Variants in WDR17 observed in about 807,000 individuals in gnomAD.
The protein encoded by WDR17 is WD repeat domain 17.
In WDR17, 143 loss-of-function variants were observed where a neutral mutation model predicts 161.7. The ratio of observed to expected loss-of-function variants is 0.88; its 90% CI spans 0.77 to 1.02. WDR17 has a LOEUF of 1.02. WDR17 is among the 50% of genes least tolerant of loss of function. The pLI, the probability that WDR17 is intolerant of heterozygous loss-of-function variation, is 0.00. For missense variants in WDR17, 1,469 were observed against 1,520.9 expected (o/e 0.97, Z 0.57); for synonymous variants, 517 against 515.6 (o/e 1.00, Z -0.04).
intron 1 of WDR17, among the ~76,000 whole-genome samples, chr4:176,108,676 A>T (rs965119498): frequency 2.0e-5 from 3 of 152,094 alleles, no homozygotes; most frequent in African/African-American, 7.2e-5. Context: ...GGGGGAGGCT[A>T]TGAGGGGTAT....
chr4:176,090,255 T>TA lies in WDR17; in HGVS notation c.-6-21320_-6-21319insA, dbSNP rs1561082183. On this transcript the variant is annotated intron_variant, in intron 1 of 28. Coordinates refer to ENST00000508596, the MANE Select transcript of WDR17 (RefSeq NM_181265.4). ...TTAGTTCCTACTAGAGCTGGTTGTT[T>TA]TAAAAAAAAAAAAAAAAAGCCTGGC... Among the ~76,000 whole-genome samples, 599 of 147,784 alleles carry TA rather than the reference T, an allele frequency of 4.1e-3. 6 individuals are homozygous for TA. Among genetic ancestry groups the TA allele is most frequent in the African/African-American group, 0.015 (574 of 38,650 alleles).
intron 1 of WDR17, among the ~76,000 whole-genome samples, chr4:176,071,535 C>T (rs1371265882): frequency 6.6e-6 from 1 of 152,106 alleles, no homozygotes; most frequent in Non-Finnish European, 1.5e-5. Context: ...GTTGGTCAGG[C>T]TGGTCTCAAA....
At chr4:176,152,895 A>AT (rs1747443226) in intron 17 of WDR17, among the ~76,000 whole-genome samples, 1 of 151,516 alleles carries the variant, frequency 6.6e-6, no homozygotes, top group Non-Finnish European at 1.5e-5. Flanking sequence ...AGATCGCACC[A>AT]TTGCACTCCA....
chr4:176,145,926 G>C (rs1047882004), intron 11 of WDR17, 69 bp from the exon 12 acceptor site: 27 of 1,386,224 alleles, frequency 1.9e-5, no homozygotes, highest in Non-Finnish European at 2.5e-5. Flanking sequence ...TTAGAACTAT[G>C]GTATACCTTT....
intron 1 of WDR17, among the ~76,000 whole-genome samples, chr4:176,074,591 C>G (rs936298407): frequency 2.6e-5 from 4 of 151,574 alleles, no homozygotes; most frequent in Non-Finnish European, 4.4e-5. Flanking sequence ...TGAGTAGCTG[C>G]GACTAGAGGT....
At chr4:176,079,472 A>C (rs1561070441) in intron 1 of WDR17, among the ~76,000 whole-genome samples, 1 of 152,162 alleles carries the variant, frequency 6.6e-6, no homozygotes, top group Non-Finnish European at 1.5e-5. Context: ...AGTACTGCAA[A>C]TAGTCTCTAT....
chr4:176,075,409 A>G (rs965756388), intron 1 of WDR17, among the ~76,000 whole-genome samples: 2 of 152,126 alleles, frequency 1.3e-5, no homozygotes, highest in African/African-American at 4.8e-5. Flanking sequence ...TAGGAAAACA[A>G]TATAAGATTT....
chr4:176,166,015 A>G (rs995362072), intron 22 of WDR17: 9 of 533,738 alleles, frequency 1.7e-5, no homozygotes, highest in African/African-American at 1.6e-4. Flanking sequence ...AAAGATGTGC[A>G]TAATTTTTAA....
chr4:176,163,047 T>C, intron 21 of WDR17, 107 bp from the exon 22 acceptor site: 1 of 1,343,484 alleles, frequency 7.4e-7, no homozygotes, highest in South Asian at 1.3e-5. Flanking sequence ...ATAAGAATAA[T>C]TGATTTATAG....
chr4:176,165,542 A>G (rs1043285408), intron 22 of WDR17, among the ~76,000 whole-genome samples: 2 of 152,216 alleles, frequency 1.3e-5, no homozygotes, highest in African/African-American at 4.8e-5. Flanking sequence ...CCTTACTGAT[A>G]ACATTAACAG....
In WDR17 at chr4:176,172,450, G is replaced by A. The variant is rs1013852759; in HGVS notation, c.3178G>A (p.Val1060Ile). 1.2e-6 allele frequency: 2 copies of A among 1,611,320 alleles called. No individual in the cohort carries two copies. The highest frequency in any genetic ancestry group is 1.3e-5 in the African/African-American group (1 of 74,810). ...ARADDNIFET[V>I]KYYLLSQEPE... ...TGCAGATGACAATATATTTGAAACT[G>A]TAAAATATTACTTGTTAAGTCAAGA... is the stretch of plus-strand genomic sequence containing the variant. Residue 1060 changes from valine (V) to isoleucine (I), a missense_variant, in exon 24 of 29, where the codon GTA becomes ATA. Val to Ile is a conservative substitution (Grantham distance 29, BLOSUM62 3). Transcript: ENST00000508596.
chr4:176,158,191 T>C (rs1303528050), intron 18 of WDR17, among the ~76,000 whole-genome samples: 1 of 152,178 alleles, frequency 6.6e-6, no homozygotes, highest in East Asian at 1.9e-4. Context: ...AGCTAAAATA[T>C]CAAGAACAGA....
chr4:176,179,353 C>A, intron 28 of WDR17, 107 bp from the exon 29 acceptor site: 1 of 1,222,092 alleles, frequency 8.2e-7, no homozygotes. Flanking sequence ...TTAGCTTTGC[C>A]TAAATATTAT....
intron 5 of WDR17, among the ~76,000 whole-genome samples, chr4:176,127,701 T>C (rs1269775916): frequency 6.6e-6 from 1 of 152,214 alleles, no homozygotes; most frequent in Non-Finnish European, 1.5e-5. Context: ...TTCTAGTATA[T>C]TCACAAAGCT....
intron 7 of WDR17, among the ~76,000 whole-genome samples, chr4:176,133,183 TA>T (rs1222026575): frequency 1.1e-4 from 9 of 82,920 alleles, no homozygotes; most frequent in East Asian, 2.6e-4. Context: ...TTTTTATTTT[TA>T]TTTTTTTTTT....
At position 176,128,795 on chromosome 4, in the gene WDR17, A is replaced by C; in HGVS notation, c.848A>C (p.Asn283Thr). ...GTTTCAAGAACAACACCTATTGATAATCTTAAATTAAAGAAAACAGGATTT... is the reference window on the plus strand; with the variant it reads ...GTTTCAAGAACAACACCTATTGATACTCTTAAATTAAAGAAAACAGGATTT... ...WNVSRTTPID[N>T]LKLKKTGFHC... The change falls in exon 6 of 29, where the codon AAT (asparagine) becomes ACT (threonine). Residue 283 changes from asparagine (N) to threonine (T), a missense_variant. Transcript: ENST00000508596. 1 of 1,606,700 alleles carries C rather than the reference A, an allele frequency of 6.2e-7. No individual in the cohort carries two copies. The highest frequency in any genetic ancestry group is 8.5e-7 in the Non-Finnish European group (1 of 1,177,092).
intron 1 of WDR17, among the ~76,000 whole-genome samples, chr4:176,108,225 T>C (rs2126682802): frequency 6.6e-6 from 1 of 151,960 alleles, no homozygotes; most frequent in Non-Finnish European, 1.5e-5. Context: ...TTTACCACGA[T>C]AAGAAAAGGA....
chr4:176,179,738 AATATAT>A lies in WDR17; in HGVS notation c.*171_*176del. Reference sequence around the variant, plus strand: ...AGTGAATTTTAGTCATTAACTTCAAAATATATATATATATATAATTTAAAGGAAAAA... The same window carrying A: ...AGTGAATTTTAGTCATTAACTTCAAAATATATATATAATTTAAAGGAAAAA... On this transcript the variant is annotated 3_prime_UTR_variant, in exon 29 of 29. Coordinates refer to ENST00000508596, the MANE Select transcript of WDR17 (RefSeq NM_181265.4). 1 of 332,096 alleles carries A rather than the reference AATATAT, an allele frequency of 3.0e-6. No individual in the cohort carries two copies. The allele number at this position is 332,096 out of a possible 1,614,324, so 20.6% of individuals were successfully genotyped here. A position where few individuals can be genotyped will look rare whatever the true frequency, so the allele number is the denominator to read the frequency against.
chr4:176,150,482 T>G lies in WDR17; in HGVS notation c.2193T>G (p.Ser731Arg). 1.2e-6 allele frequency: 2 copies of G among 1,608,224 alleles called. No homozygotes were observed. The highest frequency in any genetic ancestry group is 1.7e-6 in the Non-Finnish European group (2 of 1,178,426). ...FSECLSPPGG[S>R]DNLWNLVAVI... ...CAACTCTTTAGCCTCCAGGTGGCAG[T>G]GACAATTTATGGAACTTGGTTGCTG... Residue 731 changes from serine to arginine, a missense_variant, in exon 16 of 29, where the codon AGT (serine) becomes AGG (arginine). Coordinates refer to ENST00000508596, the MANE Select transcript of WDR17 (RefSeq NM_181265.4).
Sources: gnomAD v4.1 joint callset for allele counts (sites outside exome capture counted in the v4.1 genomes callset) on GRCh38, gnomAD v4.1.1 for gene constraint, MANE v1.5 for transcripts, NCBI Gene and HGNC (gene_info 2026-07-23, HGNC 2026-07-21) for gene names.